ELAVL4: variants seen among roughly 807,000 people sequenced by gnomAD.
ELAVL4 encodes ELAV like RNA binding protein 4.
In ELAVL4, 1 loss-of-function variant was observed where a neutral mutation model predicts 35.6. The observed-to-expected ratio is 0.03, with a 90% CI of 0.01 to 0.13. The LOEUF (loss-of-function observed/expected upper bound fraction) is 0.13. Among genes scored for constraint, ELAVL4 ranks in the 10% least tolerant of loss-of-function variants. ELAVL4 has a pLI of 1.00. For missense variants in ELAVL4, 267 were observed against 464.9 expected, an observed-to-expected ratio of 0.57 and a Z score of 3.91; for synonymous variants, 156 against 171.0, an observed-to-expected ratio of 0.91 and a Z score of 0.69.
chr1:50,197,363 A>ATAG, intron 5 of ELAVL4, 66 bp from the exon 6 acceptor site: 1 of 1,478,970 alleles, frequency 6.8e-7, no homozygotes, highest in Non-Finnish European at 9.1e-7. Context: ...ATTCTTATTA[A>ATAG]TAGTTCCATT....
chr1:50,151,568 G>A (rs1050711107), intron 2 of ELAVL4, among the ~76,000 whole-genome samples: 1 of 152,160 alleles, frequency 6.6e-6, no homozygotes, highest in Non-Finnish European at 1.5e-5. Context: ...AAAATCCCAA[G>A]ATATTGATTA....
upstream of ELAVL4, chr1:50,103,951 G>A (rs1281049479): frequency 6.2e-7 from 1 of 1,613,834 alleles, no homozygotes; most frequent in African/African-American, 1.3e-5. Context: ...GAATGCTCTG[G>A]AACTGCCCTA....
chr1:50,127,994 A>ATTGGCT (rs376178258), intron 1 of ELAVL4, among the ~76,000 whole-genome samples: 15 of 152,178 alleles, frequency 9.9e-5, no homozygotes, highest in Admixed American at 2.6e-4. Flanking sequence ...AAGAGCCCCC[A>ATTGGCT]TTGGCTTTGG....
intron 1 of ELAVL4, among the ~76,000 whole-genome samples, chr1:50,116,573 A>G (rs1366936165): frequency 6.6e-6 from 1 of 152,016 alleles, no homozygotes; most frequent in African/African-American, 2.4e-5. Context: ...TACATGAAAA[A>G]TAACAGGCTG....
intron 1 of ELAVL4, among the ~76,000 whole-genome samples, chr1:50,082,537 G>T (rs1665053383): frequency 2.0e-5 from 3 of 151,882 alleles, no homozygotes. Context: ...TTTTTTTCTT[G>T]TAAATTTGTT....
intron 1 of ELAVL4, among the ~76,000 whole-genome samples, chr1:50,075,082 A>G (rs1664700164): frequency 6.6e-6 from 1 of 152,248 alleles, no homozygotes; most frequent in African/African-American, 2.4e-5. Flanking sequence ...AAGCAGAGAC[A>G]TAATGGAATA....
chr1:50,087,524 T>C (rs895719618), intron 1 of ELAVL4, among the ~76,000 whole-genome samples: 25 of 152,232 alleles, frequency 1.6e-4, no homozygotes, highest in African/African-American at 6.0e-4. Context: ...AATTTCACCT[T>C]AGCGATGTGA....
chr1:50,199,982 C>A (rs947768950), intron 6 of ELAVL4, among the ~76,000 whole-genome samples: 2 of 152,114 alleles, frequency 1.3e-5, no homozygotes, highest in Non-Finnish European at 2.9e-5. Context: ...AATAACAATT[C>A]TATGCTTTTC....
intron 5 of ELAVL4, among the ~76,000 whole-genome samples, chr1:50,196,404 C>G (rs1644062361): frequency 6.6e-6 from 1 of 152,210 alleles, no homozygotes; most frequent in South Asian, 2.1e-4. Context: ...TGGGACTTTT[C>G]TAAAAGACAG....
intron 3 of ELAVL4, among the ~76,000 whole-genome samples, chr1:50,192,398 C>T (rs913858): frequency 0.14 from 21,160 of 152,176 alleles, 1,908 homozygotes; most frequent in Middle Eastern, 0.3. Context: ...TTGCTAGACC[C>T]ATTCTCTCCC....
chr1:50,144,611 A>T (rs950535287), intron 1 of ELAVL4: 22 of 482,410 alleles, frequency 4.6e-5, no homozygotes, highest in African/African-American at 4.4e-4. Flanking sequence ...AATCATGATT[A>T]TTACTTTACA....
At chr1:50,071,403 TAAC>T (rs1211289800) in intron 1 of ELAVL4, among the ~76,000 whole-genome samples, 1 of 152,172 alleles carries the variant, frequency 6.6e-6, no homozygotes, top group Non-Finnish European at 1.5e-5. Context: ...TTCAGCTTTG[TAAC>T]AACTTTTTTT....
intron 1 of ELAVL4, among the ~76,000 whole-genome samples, chr1:50,083,854 T>C (rs1315055659): frequency 6.6e-6 from 1 of 152,234 alleles, no homozygotes; most frequent in Non-Finnish European, 1.5e-5. Context: ...ACCTGTGGCA[T>C]TGTTGACACT....
At position 50,053,279 on chromosome 1, in the gene ELAVL4, A is replaced by G. The variant is rs140643798; in HGVS notation, c.18+5097A>G. On this transcript the variant is annotated intron_variant, in intron 1 of 6. Coordinates refer to the ELAVL4 transcript ENST00000448907. ...TTTTGTACTTTTAATACTTCCATTG[A>G]CAAACAATTGCTCATGTCTCTGAGC... Among the ~76,000 whole-genome samples, 79 of 152,300 alleles carry G rather than the reference A, an allele frequency of 5.2e-4. No homozygotes were observed. The East Asian group carries it at 0.014, about 26-fold the overall frequency.
chr1:50,111,001 C>CT (rs1666977349), intron 1 of ELAVL4, among the ~76,000 whole-genome samples: 1 of 151,760 alleles, frequency 6.6e-6, no homozygotes. Context: ...CCTCGATTAT[C>CT]TTTGCTGTTC....
At chr1:50,118,111 G>T (rs886495135) in intron 1 of ELAVL4, among the ~76,000 whole-genome samples, 1 of 152,052 alleles carries the variant, frequency 6.6e-6, no homozygotes, top group Non-Finnish European at 1.5e-5. Context: ...ATAAAAATAG[G>T]CTGAGCTTAA....
intron 3 of ELAVL4, among the ~76,000 whole-genome samples, chr1:50,186,333 G>A (rs1444502204): frequency 1.3e-5 from 2 of 152,208 alleles, no homozygotes; most frequent in South Asian, 2.1e-4. Flanking sequence ...AAAGCTTTGA[G>A]ACTAGGTGCC....
intron 1 of ELAVL4, among the ~76,000 whole-genome samples, chr1:50,111,123 C>A (rs1434412766): frequency 6.6e-6 from 1 of 151,440 alleles, no homozygotes. Flanking sequence ...GTTCTGTCTC[C>A]CCTGTTTTTG....
intron 6 of ELAVL4, among the ~76,000 whole-genome samples, chr1:50,198,123 A>G (rs538593056): frequency 9.2e-5 from 14 of 152,110 alleles, no homozygotes; most frequent in Non-Finnish European, 1.8e-4. Flanking sequence ...GTTATATGTT[A>G]TGTGTGTTTT....
Sources: gnomAD v4.1 joint callset for allele counts (sites outside exome capture counted in the v4.1 genomes callset) on GRCh38, gnomAD v4.1.1 for gene constraint, MANE v1.5 for transcripts, NCBI Gene and HGNC (gene_info 2026-07-23, HGNC 2026-07-21) for gene names.